SEC16A: variants seen among roughly 807,000 people sequenced by gnomAD.
SEC16A encodes protein transport protein Sec16A.
A neutral mutation model predicts 221.9 loss-of-function variants in SEC16A; 110 were observed. The observed-to-expected ratio is 0.50, with a 90% CI of 0.42 to 0.58. The LOEUF is 0.58. Ranked by LOEUF, SEC16A falls within the 20% of genes least tolerant of loss-of-function variation. The probability of loss-of-function intolerance (pLI) is 0.00; values close to 1 mark genes in which losing one functional copy is unlikely to be tolerated. For synonymous variants in SEC16A, 1,393 were observed against 1,257.7 expected (o/e 1.11, Z -2.28); for missense variants, 3,165 against 3,097.8 (o/e 1.02, Z -0.52).
chr9:136,467,737 C>A (rs1840337128), intron 5 of SEC16A, among the ~76,000 whole-genome samples: 1 of 151,966 alleles, frequency 6.6e-6, no homozygotes, highest in South Asian at 2.1e-4. Flanking sequence ...CTAAAGATGT[C>A]TTTTCTTTTT....
chr9:136,475,562 G>C lies in SEC16A; in HGVS notation c.2054C>G (p.Ala685Gly), dbSNP rs759097486. ...CCCTGCGTGCGGAAGCATGTGCACA[G>C]CTTCCGTGGTGGAGTTAAGAGGCAG... ...CPLPLNSTTE[A>G]VHMLPHAGAP... Residue 685 changes from alanine (A) to glycine (G), a missense_variant, in exon 3 of 32, where the codon GCT becomes GGT. Physicochemically the swap from Ala to Gly is moderately conservative, Grantham distance 60. Coordinates refer to ENST00000684901, the MANE Select transcript of SEC16A (RefSeq NM_014866.2). This position sits in a 1 kb window ranked among gnomAD's most constrained non-coding sequence, Gnocchi z 5.0. The C allele has an allele frequency of 1.9e-6, 3 of 1,613,386 alleles. No individual in the cohort carries two copies. The highest frequency in any genetic ancestry group is 2.5e-6 in the Non-Finnish European group (3 of 1,179,758).
Position 136,457,460 on chromosome 9 carries a change from A to G in SEC16A, c.5534T>C (p.Ile1845Thr), listed in dbSNP as rs1838840001. The G allele has an allele frequency of 6.2e-7, 1 of 1,605,318 alleles. No homozygotes were observed. Among genetic ancestry groups the G allele is most frequent in the African/African-American group, 1.3e-5 (1 of 74,776 alleles). Residue 1845 changes from isoleucine (I) to threonine (T), a missense_variant, in exon 18 of 32, where the codon ATC becomes ACC. Ile to Thr is a moderately conservative substitution (Grantham distance 89, BLOSUM62 -1). Transcript: ENST00000684901. ...TQPHLYSPVLISQLVQMASQL... is the reference protein window; with the variant it reads ...TQPHLYSPVLTSQLVQMASQL... ...GGGCAGCACCTGCACAAGCTGGCTG[A>G]TCAACACCGGGGAATACAGGTGCGG...
At position 136,461,370 on chromosome 9, in the gene SEC16A, C is replaced by T. The variant is rs183693101; in HGVS notation, c.4894-96G>A. 3.4e-5 allele frequency: 29 copies of T among 850,704 alleles called. No homozygotes were observed. In the East Asian group the frequency reaches 7.7e-4, roughly 23 times the overall value. 52.7% of individuals were successfully genotyped at this position (850,704 alleles called of 1,614,324 possible). The stretch of plus-strand genomic sequence containing the variant: ...ATGTGTCCTCACGCAGCAGCAGATA[C>T]ACAAACAACCCAAAGGCCTCAAAAA... On this transcript the variant is annotated intron_variant, in intron 12 of 31. Coordinates refer to ENST00000684901, the MANE Select transcript of SEC16A (RefSeq NM_014866.2).
intron 3 of SEC16A, 113 bp downstream of exon 3, chr9:136,473,936 G>T: frequency 8.5e-7 from 1 of 1,179,504 alleles, no homozygotes; most frequent in Non-Finnish European, 1.2e-6. Flanking sequence ...GCGGGACTGT[G>T]GGTGACCCCG....
At chr9:136,458,014 T>A (rs1365137920) in intron 17 of SEC16A, among the ~76,000 whole-genome samples, 1 of 152,080 alleles carries the variant, frequency 6.6e-6, no homozygotes, top group African/African-American at 2.4e-5. Flanking sequence ...TGGAGTGCAG[T>A]GGCACAATCA....
chr9:136,466,891 G>C lies in SEC16A; in HGVS notation c.3929+66C>G, dbSNP rs899693070. On this transcript the variant is annotated intron_variant, in intron 6 of 31. Transcript: ENST00000684901. The surrounding 1 kb of genome is among the most constrained non-coding windows in gnomAD (Gnocchi z 5.5). ...CTCTTTGTTAAAACCCAGACATGAG[G>C]GCAGAGAAGCACTAGCGCGCCCTGG... is the stretch of plus-strand genomic sequence containing the variant. 7 of 1,541,568 alleles carry C rather than the reference G, an allele frequency of 4.5e-6. No homozygotes were observed. The highest frequency in any genetic ancestry group is 1.2e-5 in the South Asian group (1 of 84,410).
chr9:136,462,749 A>G, intron 12 of SEC16A, 138 bp downstream of exon 12: 1 of 938,874 alleles, frequency 1.1e-6, no homozygotes. Flanking sequence ...TTCAGGAAAC[A>G]GCAAGACCCG....
chr9:136,462,742 A>G, intron 12 of SEC16A, 145 bp downstream of exon 12: 7 of 871,650 alleles, frequency 8.0e-6, no homozygotes, highest in Non-Finnish European at 1.2e-5. Flanking sequence ...GGCATTGTTC[A>G]GGAAACAGCA....
rs548428204 is a variant in SEC16A at position 136,476,202 on chromosome 9, G to A, written c.1414C>T (p.Pro472Ser). The A allele has an allele frequency of 1.2e-6, 2 of 1,613,824 alleles. No individual in the cohort carries two copies. The highest frequency in any genetic ancestry group is 1.7e-4 in the Middle Eastern group (1 of 6,058). The part of the protein sequence containing the change: ...LEFVQNQEVL[P>S]SEPLNLDPSS... ...GGGTCCAAATTGAGGGGCTCACTTG[G>A]CAGAACTTCTTGATTCTGAACAAAT... The change falls in exon 3 of 32, where the codon CCA becomes TCA. Residue 472 changes from proline (P) to serine (S), a missense_variant. Around this residue, in one of 3 missense-constraint regions of SEC16A, gnomAD observed 2,030 missense variants for 1,923.1 expected, o/e 1.06. Transcript: ENST00000684901.
At chr9:136,473,396 G>A (rs572396888) in intron 3 of SEC16A, among the ~76,000 whole-genome samples, 36 of 152,358 alleles carry the variant, frequency 2.4e-4, no homozygotes, top group African/African-American at 8.7e-4. Context: ...CTTTTCGAAC[G>A]ACTGCAGGAT....
In SEC16A at chr9:136,447,738, G is replaced by A. The variant is rs1837210584; in HGVS notation, c.6448-58C>T. ...TGTGTGCACAGAAACCCACTGGGAT[G>A]GCACAGTCAGGAGGCTCCAAAAGGG... On this transcript the variant is annotated intron_variant, in intron 25 of 31. Coordinates refer to ENST00000684901, the MANE Select transcript of SEC16A (RefSeq NM_014866.2). This position sits in a 1 kb window ranked among gnomAD's most constrained non-coding sequence, Gnocchi z 5.5. The A allele has an allele frequency of 6.5e-7, 1 of 1,549,018 alleles. No homozygotes were observed. Among genetic ancestry groups the A allele is most frequent in the African/African-American group, 1.4e-5 (1 of 73,366 alleles).
Position 136,447,653 on chromosome 9 carries a change from A to G in SEC16A, c.6475T>C (p.Ser2159Pro), listed in dbSNP as rs1270199215. The G allele has an allele frequency of 1.2e-6, 2 of 1,605,814 alleles. No homozygotes were observed. Among genetic ancestry groups the G allele is most frequent in the Non-Finnish European group, 1.7e-6 (2 of 1,172,960 alleles). ...EKKAPPPPPTSMPKTVQAAPP... is the reference protein window; with the variant it reads ...EKKAPPPPPTPMPKTVQAAPP... Reference sequence around the variant, plus strand: ...GCAGCTTGCACAGTCTTGGGCATCGAGGTTGGAGGTGGGGGCGGGGCTTTC... The same window carrying G: ...GCAGCTTGCACAGTCTTGGGCATCGGGGTTGGAGGTGGGGGCGGGGCTTTC... The change falls in exon 26 of 32, where the codon TCG (serine) becomes CCG (proline). Residue 2159 changes from serine to proline, a missense_variant. Transcript: ENST00000684901. The surrounding 1 kb of genome is among the most constrained non-coding windows in gnomAD (Gnocchi z 5.5).
chr9:136,483,521 G>A, upstream of SEC16A: 1 of 962,812 alleles, frequency 1.0e-6, no homozygotes, highest in Non-Finnish European at 1.2e-6. Context: ...GCTTGGCCCC[G>A]CCCCTCGCCA....
intron 8 of SEC16A, 102 bp from the exon 9 acceptor site, chr9:136,464,664 T>C (rs759807684): frequency 1.3e-4 from 134 of 1,060,404 alleles, no homozygotes; most frequent in Non-Finnish European, 1.8e-4. Context: ...CAGGTTAGAT[T>C]TATCACGACA....
intron 28 of SEC16A, 48 bp from the exon 29 acceptor site, chr9:136,445,767 A>C (rs1564453420): frequency 6.6e-7 from 1 of 1,510,540 alleles, no homozygotes; most frequent in Non-Finnish European, 9.0e-7. Flanking sequence ...AGGGAATTTA[A>C]GTCTCTCACA....
intron 3 of SEC16A, among the ~76,000 whole-genome samples, chr9:136,473,392 G>A (rs1010493089): frequency 3.3e-5 from 5 of 152,222 alleles, no homozygotes; most frequent in Non-Finnish European, 5.9e-5. Context: ...GACACTTTTC[G>A]AACGACTGCA....
At chr9:136,484,292 G>C, upstream of SEC16A, 17 of 1,008,534 alleles carry the variant, frequency 1.7e-5, no homozygotes, top group Non-Finnish European at 2.0e-5. Context: ...CAGCGGAGGG[G>C]TGAGGCGGGT....
chr9:136,460,470 T>C (rs1839329040), intron 13 of SEC16A, among the ~76,000 whole-genome samples: 2 of 150,896 alleles, frequency 1.3e-5, no homozygotes. Flanking sequence ...AATAAATAAA[T>C]AAAATAGTAA....
At position 136,476,670 on chromosome 9, in the gene SEC16A, C is replaced by T. The variant is rs772914656; in HGVS notation, c.946G>A (p.Glu316Lys). 6.4e-7 allele frequency: 1 copy of T among 1,569,964 alleles called. No homozygotes were observed. The highest frequency in any genetic ancestry group is 8.7e-7 in the Non-Finnish European group (1 of 1,155,568). The change falls in exon 3 of 32, where the codon GAG becomes AAG. Residue 316 changes from glutamate to lysine, a missense_variant. Physicochemically the swap from Glu to Lys is moderately conservative, Grantham distance 56. Around this residue, in one of 3 missense-constraint regions of SEC16A, gnomAD observed 2,030 missense variants for 1,923.1 expected, o/e 1.06. Transcript: ENST00000684901. Reference sequence around the variant, plus strand: ...TTCACTCCTGGATTCTGCCTGAGCTCTGGGCTTGCCCAGTGATTCACAATT... The same window carrying T: ...TTCACTCCTGGATTCTGCCTGAGCTTTGGGCTTGCCCAGTGATTCACAATT... ...PRIVNHWASP[E>K]LRQNPGVKNE...
Sources: gnomAD v4.1 joint callset for allele counts (sites outside exome capture counted in the v4.1 genomes callset) on GRCh38, gnomAD v4.1.1 for gene constraint, gnomAD v4.1.1 regional missense constraint, Gnocchi (gnomAD v3.1) non-coding constraint, MANE v1.5 for transcripts, NCBI Gene and HGNC (gene_info 2026-07-23, HGNC 2026-07-21) for gene names.